RNF125: variants seen among roughly 807,000 people sequenced by gnomAD.
The protein encoded by RNF125 is E3 ubiquitin-protein ligase RNF125.
In RNF125, 21 loss-of-function variants were observed where a neutral mutation model predicts 26.0. The observed-to-expected ratio is 0.81, with a 90% CI of 0.57 to 1.16. RNF125 has a LOEUF of 1.16. RNF125 is among the 50% of genes most tolerant of loss of function. RNF125 has a pLI of 0.00. For missense variants in RNF125, 270 were observed against 299.4 expected (o/e 0.90, Z 0.72); for synonymous variants, 95 against 109.2 (o/e 0.87, Z 0.81).
chr18:32,056,339 T>G (rs1208188646), intron 4 of RNF125, among the ~76,000 whole-genome samples: 4 of 151,940 alleles, frequency 2.6e-5, no homozygotes, highest in Non-Finnish European at 5.9e-5. Flanking sequence ...TGGCCTGGCG[T>G]GGTGGCTCCC....
At chr18:32,035,756 T>A (rs1329752053) in intron 1 of RNF125, among the ~76,000 whole-genome samples, 4 of 152,200 alleles carry the variant, frequency 2.6e-5, no homozygotes, top group Non-Finnish European at 2.9e-5. Flanking sequence ...TAAGCAGGGA[T>A]GAGAAAGCTG....
At chr18:32,080,395 T>A in the RNF125 span, among the ~76,000 whole-genome samples, 1 of 152,232 alleles carries the variant, frequency 6.6e-6, no homozygotes, top group Non-Finnish European at 1.5e-5. Context: ...CTCTTACTAA[T>A]GTATGCAAGA....
intron 4 of RNF125, among the ~76,000 whole-genome samples, chr18:32,059,988 C>G (rs1047957416): frequency 2.6e-5 from 4 of 152,132 alleles, no homozygotes; most frequent in African/African-American, 9.7e-5. Flanking sequence ...GATCTTTCCC[C>G]TTTTCCTAGC....
chr18:32,038,679 G>A (rs1189300173), intron 2 of RNF125, among the ~76,000 whole-genome samples: 2 of 152,166 alleles, frequency 1.3e-5, no homozygotes, highest in South Asian at 2.1e-4. Context: ...TGAAGGTTAT[G>A]TAGAAGATTC....
In RNF125 at chr18:32,045,410, T is replaced by A. The variant is rs12953537; in HGVS notation, c.414-232T>A. On this transcript the variant is annotated intron_variant, in intron 3 of 5. Coordinates refer to ENST00000217740, the MANE Select transcript of RNF125 (RefSeq NM_017831.4). ...CCCATCTCTACTAAAAATACAAAGA[T>A]TAACCTGGTGTGGTGGTGGGGGCTT... Among the ~76,000 whole-genome samples the A allele has an allele frequency of 6.1e-3, 918 of 150,908 alleles. 8 individuals carry two copies. Among genetic ancestry groups the A allele is most frequent in the Non-Finnish European group, 8.6e-3 (582 of 67,706 alleles).
At chr18:32,074,468 G>A (rs374381608), downstream of RNF125, among the ~76,000 whole-genome samples, 1 of 152,162 alleles carries the variant, frequency 6.6e-6, no homozygotes, top group South Asian at 2.1e-4. Context: ...GGAAAGGAGG[G>A]GTGAAAAGTC....
At chr18:32,043,773 A>G (rs1041757822) in intron 3 of RNF125, among the ~76,000 whole-genome samples, 1 of 152,204 alleles carries the variant, frequency 6.6e-6, no homozygotes, top group Non-Finnish European at 1.5e-5. Context: ...TTATTTTACA[A>G]GATATATTAA....
rs185513561 is a variant in RNF125 at position 32,069,741 on chromosome 18, G to A, written c.*1357G>A. 1 of 152,200 alleles carries A rather than the reference G, an allele frequency of 6.6e-6. No homozygotes were observed. Among genetic ancestry groups the A allele is most frequent in the East Asian group, 1.9e-4 (1 of 5,190 alleles). 9.4% of individuals were successfully genotyped at this position (152,200 alleles called of 1,614,324 possible). The stretch of plus-strand genomic sequence containing the variant: ...TATCAATTTAAAGTTGTTATTAAAT[G>A]TATATTTTATTTTACATCTCTTTTT... On this transcript the variant is annotated 3_prime_UTR_variant, in exon 6 of 6. Transcript: ENST00000217740.
chr18:32,045,199 A>T (rs1339594017), intron 3 of RNF125, among the ~76,000 whole-genome samples: 2 of 152,056 alleles, frequency 1.3e-5, no homozygotes, highest in Admixed American at 1.3e-4. Flanking sequence ...ACACTTAGGA[A>T]TATTTGTCAC....
chr18:32,043,691 T>C (rs1370841061), intron 3 of RNF125, among the ~76,000 whole-genome samples: 1 of 152,104 alleles, frequency 6.6e-6, no homozygotes, highest in Non-Finnish European at 1.5e-5. Flanking sequence ...CTAATTTGAA[T>C]CCCAATTTCT....
In RNF125 at chr18:32,041,620, C is replaced by CTTTTTTTTTTTTTTTTT. The variant is rs60264747; in HGVS notation, c.319-547_319-531dup. Among the ~76,000 whole-genome samples, 11 of 93,280 alleles carry CTTTTTTTTTTTTTTTTT rather than the reference C, an allele frequency of 1.2e-4. 5 individuals are homozygous for CTTTTTTTTTTTTTTTTT. The highest frequency in any genetic ancestry group is 1.6e-4 in the African/African-American group (4 of 25,424). The allele number at this position is 93,280 out of a possible 152,430, so 61.2% of individuals were successfully genotyped here. A position where few individuals can be genotyped will look rare whatever the true frequency, so the allele number is the denominator to read the frequency against. On this transcript the variant is annotated intron_variant, in intron 2 of 5. Transcript: ENST00000217740. The stretch of plus-strand genomic sequence containing the variant: ...CTATCTACTTTAAAAAATGTAGATG[C>CTTTTTTTTTTTTTTTTT]TTTTTTTTTTTTTTTTTTTTTTTTT...
chr18:32,048,203 GGA>G (rs921957735), intron 4 of RNF125, among the ~76,000 whole-genome samples: 2 of 148,738 alleles, frequency 1.3e-5, no homozygotes, highest in Non-Finnish European at 3.0e-5. Context: ...CCTAAGGTCA[GGA>G]GTTCAAGACC....
chr18:32,064,390 C>CTTTTT (rs2039463479), intron 4 of RNF125, among the ~76,000 whole-genome samples: 1 of 84,696 alleles, frequency 1.2e-5, no homozygotes, highest in African/African-American at 4.6e-5. Flanking sequence ...AAATCTTTTT[C>CTTTTT]TTTTTCTTTT....
chr18:32,086,630 C>T, the RNF125 span, among the ~76,000 whole-genome samples: 1 of 152,080 alleles, frequency 6.6e-6, no homozygotes, highest in Non-Finnish European at 1.5e-5. Context: ...AAGTGATTCT[C>T]CTGCCTCAGC....
intron 4 of RNF125, among the ~76,000 whole-genome samples, chr18:32,048,695 A>G (rs1316338872): frequency 6.6e-6 from 1 of 152,110 alleles, no homozygotes; most frequent in East Asian, 1.9e-4. Context: ...GATATTTGTT[A>G]TTGATCTTAA....
chr18:32,023,407 C>G (rs951012358), intron 1 of RNF125, among the ~76,000 whole-genome samples: 1 of 152,184 alleles, frequency 6.6e-6, no homozygotes, highest in African/African-American at 2.4e-5. Context: ...CCTGCCTCGG[C>G]CTCCCAAAGT....
chr18:32,057,231 A>G (rs961766444), intron 4 of RNF125, among the ~76,000 whole-genome samples: 1 of 152,182 alleles, frequency 6.6e-6, no homozygotes, highest in African/African-American at 2.4e-5. Flanking sequence ...CCATTATTCT[A>G]GATAATTGAA....
downstream of RNF125, among the ~76,000 whole-genome samples, chr18:32,074,614 C>T (rs2039557247): frequency 6.6e-6 from 1 of 152,134 alleles, no homozygotes; most frequent in African/African-American, 2.4e-5. Context: ...ACGATCTCAG[C>T]TCACTGCAAC....
chr18:32,024,847 G>A (rs972135515), intron 1 of RNF125, among the ~76,000 whole-genome samples: 1 of 152,148 alleles, frequency 6.6e-6, no homozygotes, highest in African/African-American at 2.4e-5. Flanking sequence ...TTGGGAGGCC[G>A]AGGCAGGCGG....
Sources: allele counts gnomAD v4.1 joint callset (sites outside exome capture counted in the v4.1 genomes callset), GRCh38; gene constraint gnomAD v4.1.1; transcripts MANE v1.5; gene names NCBI Gene and HGNC (gene_info 2026-07-23, HGNC 2026-07-21).